The following WNK2 variants were observed in gnomAD, a reference collection of about 807,000 sequenced individuals.
WNK2 encodes WNK lysine deficient protein kinase 2.
In WNK2, 67 loss-of-function variants were observed where a neutral mutation model predicts 192.1. The ratio of observed to expected loss-of-function variants is 0.35; its 90% CI spans 0.29 to 0.43. The LOEUF is 0.43. WNK2 is among the 20% of genes least tolerant of loss of function. The pLI is 1.00. For synonymous variants in WNK2, 1,439 were observed against 1,393.9 expected (o/e 1.03, Z -0.72); for missense variants, 2,698 against 3,089.7 (o/e 0.87, Z 3.01).
At chr9:93,217,286 G>A (rs1041802400) in intron 2 of WNK2, among the ~76,000 whole-genome samples, 4 of 152,178 alleles carry the variant, frequency 2.6e-5, no homozygotes, top group African/African-American at 4.8e-5. Context: ...ATACTACGCC[G>A]CTGCCACGTA....
chr9:93,238,344 G>T, intron 6 of WNK2, 23 bp downstream of exon 6: 1 of 1,597,250 alleles, frequency 6.3e-7, no homozygotes, highest in Non-Finnish European at 8.6e-7. Context: ...GAAGGGCTGG[G>T]TTCTGGGGTC....
At chr9:93,299,462 T>G (rs1368203308) in intron 25 of WNK2, among the ~76,000 whole-genome samples, 1 of 152,092 alleles carries the variant, frequency 6.6e-6, no homozygotes, top group Non-Finnish European at 1.5e-5. Context: ...CCACCAAGTC[T>G]TGCTTGTAAG....
chr9:93,251,530 C>T (rs373548751), intron 8 of WNK2, among the ~76,000 whole-genome samples: 1 of 152,058 alleles, frequency 6.6e-6, no homozygotes, highest in Non-Finnish European at 1.5e-5. Context: ...GGCAACGTGG[C>T]GAAACCTCAT....
At chr9:93,318,961 C>A in intron 29 of WNK2, 1 of 1,444,868 alleles carries the variant, frequency 6.9e-7, no homozygotes. Context: ...TCTATTATTC[C>A]ATCAATTCAG....
At chr9:93,238,132 G>A (rs529842597) in intron 5 of WNK2, 101 bp from the exon 6 acceptor site, 18 of 1,005,140 alleles carry the variant, frequency 1.8e-5, no homozygotes, top group East Asian at 1.2e-4. Context: ...TCCAGTGCCC[G>A]TGTCCTGCCG....
At chr9:93,227,948 T>C (rs528277378) in intron 2 of WNK2, among the ~76,000 whole-genome samples, 1 of 152,374 alleles carries the variant, frequency 6.6e-6, no homozygotes, top group Non-Finnish European at 1.5e-5. Flanking sequence ...CCCATCCCTG[T>C]GATAATTTGC....
chr9:93,268,860 C>T (rs551965617), intron 19 of WNK2, 114 bp downstream of exon 19: 3 of 1,573,946 alleles, frequency 1.9e-6, no homozygotes, highest in Non-Finnish European at 2.6e-6. Flanking sequence ...GGGGCTCACC[C>T]TGCCCTGTCT....
At chr9:93,281,238 C>T (rs773368448) in intron 19 of WNK2, among the ~76,000 whole-genome samples, 5 of 152,106 alleles carry the variant, frequency 3.3e-5, no homozygotes, top group Non-Finnish European at 5.9e-5. Context: ...TATTAAGATC[C>T]AAACAGCAGT....
intron 2 of WNK2, among the ~76,000 whole-genome samples, chr9:93,193,940 G>A (rs773668785): frequency 3.9e-5 from 6 of 152,138 alleles, no homozygotes; most frequent in Admixed American, 2.6e-4. Flanking sequence ...TAGCAAGCCC[G>A]GAAATAGACC....
At chr9:93,287,814 A>C (rs1305712670) in intron 19 of WNK2, among the ~76,000 whole-genome samples, 1 of 152,194 alleles carries the variant, frequency 6.6e-6, no homozygotes, top group Non-Finnish European at 1.5e-5. Flanking sequence ...TCATCCCAAC[A>C]CTTTGGGAGG....
chr9:93,260,271 G>A (rs1463082260), intron 12 of WNK2, among the ~76,000 whole-genome samples: 1 of 152,144 alleles, frequency 6.6e-6, no homozygotes, highest in Non-Finnish European at 1.5e-5. Flanking sequence ...CATGTTTTGG[G>A]GCTTGCAGAC....
rs1341211957 is a variant in WNK2 at position 93,263,829 on chromosome 9, G to C, written c.3580-88G>C. The C allele has an allele frequency of 9.3e-6, 5 of 535,376 alleles. No individual in the cohort carries two copies. The African/African-American group carries it at 1.2e-4, about 13-fold the overall frequency. The allele number at this position is 535,376 out of a possible 1,614,324, so 33.2% of individuals were successfully genotyped here. ...CCGTGGCGGGGGTGTGGTGGGGGTG[G>C]GGGGGAGGGGTACTTGGGGGTGTGT... On this transcript the variant is annotated intron_variant, in intron 15 of 29. Coordinates refer to ENST00000427277, the MANE Select transcript of WNK2 (RefSeq NM_006648.4).
intron 2 of WNK2, among the ~76,000 whole-genome samples, chr9:93,206,142 C>G (rs537231634): frequency 5.3e-5 from 8 of 152,352 alleles, no homozygotes; most frequent in African/African-American, 1.9e-4. Context: ...CAGGGCATCA[C>G]TGATGTCTCC....
intron 28 of WNK2, among the ~76,000 whole-genome samples, chr9:93,314,995 C>T (rs1174415570): frequency 1.3e-5 from 2 of 152,136 alleles, no homozygotes; most frequent in Non-Finnish European, 2.9e-5. Context: ...AAGCAGAATG[C>T]CTTAAGCATC....
chr9:93,317,542 T>G lies in WNK2; in HGVS notation c.6539T>G (p.Val2180Gly). 6.2e-7 allele frequency: 1 copy of G among 1,613,312 alleles called. No individual in the cohort carries two copies. The highest frequency in any genetic ancestry group is 2.2e-5 in the East Asian group (1 of 44,852). Reference sequence around the variant, plus strand: ...TAGATGACCGCACCTCGAGCAGGAGTGGGGATGCCACGTCTGCCCCCAGCG... The same window carrying G: ...TAGATGACCGCACCTCGAGCAGGAGGGGGGATGCCACGTCTGCCCCCAGCG... ...ARAMTAPRAGVGMPRLPPAPG... is the reference protein window; with the variant it reads ...ARAMTAPRAGGGMPRLPPAPG... Residue 2180 changes from valine (V) to glycine (G), a missense_variant, in exon 29 of 30, where the codon GTG becomes GGG. Around this residue, in one of 7 missense-constraint regions of WNK2, gnomAD observed 167 missense variants for 184.2 expected, o/e 0.91. Transcript: ENST00000427277.
At position 93,256,369 on chromosome 9, in the gene WNK2, C is replaced by G; in HGVS notation, c.2105C>G (p.Pro702Arg). Residue 702 changes from proline (P) to arginine (R), a missense_variant, in exon 10 of 30, where the codon CCG becomes CGG. By Grantham distance (103) the Pro-to-Arg change is moderately radical. Coordinates refer to ENST00000427277, the MANE Select transcript of WNK2 (RefSeq NM_006648.4). ...PPSLQQHFPD[P>R]AMSFAPVLPP... ...TCCCTCCAGCAGCACTTCCCGGATC[C>G]GGCCATGAGCTTCGCCCCCGTGCTG... is the stretch of plus-strand genomic sequence containing the variant. 6.3e-7 allele frequency: 1 copy of G among 1,578,172 alleles called. No individual in the cohort carries two copies. Among genetic ancestry groups the G allele is most frequent in the Non-Finnish European group, 8.6e-7 (1 of 1,168,342 alleles).
chr9:93,284,554 C>T (rs1429134349), intron 19 of WNK2, among the ~76,000 whole-genome samples: 1 of 150,474 alleles, frequency 6.6e-6, no homozygotes, highest in Non-Finnish European at 1.5e-5. Flanking sequence ...GATGCCTATT[C>T]TCAGCACTTC....
intron 9 of WNK2, among the ~76,000 whole-genome samples, chr9:93,255,285 G>A (rs956924838): frequency 6.6e-6 from 1 of 152,214 alleles, no homozygotes; most frequent in Non-Finnish European, 1.5e-5. Context: ...AGGAGGAGCA[G>A]CTGCCGTGGG....
chr9:93,299,332 C>T (rs765623631), intron 25 of WNK2, 71 bp downstream of exon 25: 8 of 1,485,898 alleles, frequency 5.4e-6, no homozygotes, highest in Admixed American at 2.2e-5. Flanking sequence ...CCCAGGAGCA[C>T]GCCCGTGTTG....
Sources: allele counts gnomAD v4.1 joint callset (sites outside exome capture counted in the v4.1 genomes callset), GRCh38; gene constraint gnomAD v4.1.1; regional missense constraint gnomAD v4.1.1; transcripts MANE v1.5; gene names NCBI Gene and HGNC (gene_info 2026-07-23, HGNC 2026-07-21).